The following EXD2 variants were observed in gnomAD, a reference collection of about 807,000 sequenced individuals.
The protein encoded by EXD2 is exonuclease 3'-5' domain containing 2.
In EXD2, 40 loss-of-function variants were observed where a neutral mutation model predicts 62.5. That is an observed-to-expected ratio of 0.64 (90% CI 0.50 to 0.83). The LOEUF (loss-of-function observed/expected upper bound fraction) is 0.83, where lower values mean the gene tolerates loss of function less well. EXD2 is among the 40% of genes least tolerant of loss of function. The probability of loss-of-function intolerance (pLI) is 0.00; values close to 1 mark genes in which losing one functional copy is unlikely to be tolerated. For missense variants in EXD2, 671 were observed against 761.8 expected (o/e 0.88, Z 1.40); for synonymous variants, 239 against 291.9 (o/e 0.82, Z 1.85).
At chr14:69,235,709 CTTTG>C in intron 6 of EXD2, 2 of 331,320 alleles carry the variant, frequency 6.0e-6, no homozygotes, top group East Asian at 1.7e-4. Context: ...TTTTAATGTA[CTTTG>C]TTTAATCCAG....
rs114632394 is a variant in EXD2, at chr14:69,209,893, G to A, written c.333+90G>A. ...CTTGGACAGTCAAGTAGAAAATAAG[G>A]TTAAAGGAGAATGAATTAGCTTGTT... On this transcript the variant is annotated intron_variant, in intron 3 of 9. Coordinates refer to ENST00000685843, the MANE Select transcript of EXD2 (RefSeq NM_001193360.2). 132 of 1,094,460 alleles carry A rather than the reference G, an allele frequency of 1.2e-4. 1 individual carries two copies. The African/African-American group carries it at 2.0e-3, about 16-fold the overall frequency. 67.8% of individuals were successfully genotyped at this position (1,094,460 alleles called of 1,614,324 possible). A position where few individuals can be genotyped will look rare whatever the true frequency, so the allele number is the denominator to read the frequency against.
chr14:69,216,870 A>G (rs957798784), intron 3 of EXD2, among the ~76,000 whole-genome samples: 2 of 152,156 alleles, frequency 1.3e-5, no homozygotes, highest in East Asian at 1.9e-4. Flanking sequence ...CTATCTTTGC[A>G]TTTTAGTAAT....
chr14:69,195,872 A>G (rs1162603060), intron 1 of EXD2, among the ~76,000 whole-genome samples: 1 of 152,204 alleles, frequency 6.6e-6, no homozygotes, highest in Admixed American at 6.5e-5. Context: ...ACTGAATGAA[A>G]TTTCATCCTG....
rs763294878 is a variant in EXD2 at position 69,237,685 on chromosome 14, A to G, written c.1403A>G (p.Tyr468Cys). 5.0e-6 allele frequency: 8 copies of G among 1,614,052 alleles called. No homozygotes were observed. The Admixed American group carries it at 8.3e-5, about 17-fold the overall frequency. Residue 468 changes from tyrosine to cysteine, a missense_variant, in exon 9 of 10, where the codon TAC becomes TGC. By Grantham distance (194) the Tyr-to-Cys change is radical. Coordinates refer to ENST00000685843, the MANE Select transcript of EXD2 (RefSeq NM_001193360.2). ...ACCTCCTGCCATGCCATTTCCAACT[A>G]CTATGACAACCATCTGAAGCAGCAG... ...LCTSCHAISN[Y>C]YDNHLKQQLA...
In EXD2 at chr14:69,237,592, A is replaced by T. The variant is rs1419014019; in HGVS notation, c.1310A>T (p.His437Leu). 1 of 1,614,206 alleles carries T rather than the reference A, an allele frequency of 6.2e-7. No individual in the cohort carries two copies. Among genetic ancestry groups the T allele is most frequent in the South Asian group, 1.1e-5 (1 of 91,082 alleles). The change falls in exon 9 of 10, where the codon CAT becomes CTT. Residue 437 changes from histidine to leucine, a missense_variant. Transcript: ENST00000685843. The part of the protein sequence containing the change: ...DSYIRKNVIP[H>L]EYRKHFPIEM... ...TGTTCCAGGAAGAACGTGATTCCACATGAGTACCGGAAGCACTTCCCCATC... is the reference window on the plus strand; with the variant it reads ...TGTTCCAGGAAGAACGTGATTCCACTTGAGTACCGGAAGCACTTCCCCATC...
At chr14:69,237,362 GTACT>G (rs1203225311) in intron 8 of EXD2, among the ~76,000 whole-genome samples, 1 of 152,186 alleles carries the variant, frequency 6.6e-6, no homozygotes, top group Non-Finnish European at 1.5e-5. Context: ...CAGGTGGTCT[GTACT>G]TACTTGCAGG....
intron 5 of EXD2, among the ~76,000 whole-genome samples, chr14:69,233,606 ATTTT>A (rs1189610287): frequency 1.3e-5 from 2 of 151,078 alleles, no homozygotes; most frequent in Non-Finnish European, 3.0e-5. Flanking sequence ...CGCCCAGCTG[ATTTT>A]TTTTATTTTT....
At position 69,236,222 on chromosome 14, in the gene EXD2, G is replaced by A. The variant is rs770328999; in HGVS notation, c.1156+70G>A. The A allele has an allele frequency of 4.6e-6, 7 of 1,520,442 alleles. No individual in the cohort carries two copies. In the East Asian group the frequency reaches 1.6e-4, roughly 34 times the overall value. 94.2% of individuals were successfully genotyped at this position (1,520,442 alleles called of 1,614,324 possible). ...GGATGCTGGCAGGAGTGGGGAGTGAGATAAGGAAGAGGGAGGGATAGAAGA... is the reference window on the plus strand; with the variant it reads ...GGATGCTGGCAGGAGTGGGGAGTGAAATAAGGAAGAGGGAGGGATAGAAGA... On this transcript the variant is annotated intron_variant, in intron 7 of 9. Transcript: ENST00000685843.
Position 69,234,981 on chromosome 14 carries a change from A to G in EXD2, c.999A>G (p.Arg333=). The G allele has an allele frequency of 6.2e-7, 1 of 1,611,158 alleles. No individual in the cohort carries two copies. The highest frequency in any genetic ancestry group is 8.5e-7 in the Non-Finnish European group (1 of 1,178,932). ...TGGTGCCAGGCAACCACCAAGGGAG[A>G]GACCCCAGAAAACATAAAAGAAAGC... ...DGMVPGNHQG[R]DPRKHKRKPL... The change falls in exon 6 of 10, where the codon AGA becomes AGG. Residue 333 remains arginine, a synonymous_variant. Transcript: ENST00000685843.
Position 69,236,432 on chromosome 14 carries a change from G to C in EXD2, c.1182G>C (p.Val394=). Residue 394 remains valine (V), a synonymous_variant, in exon 8 of 10, where the codon GTG becomes GTC. Transcript: ENST00000685843. ...IGELVSEEPF[V]VKLRFEPAGR... is the part of the protein sequence containing the mutation. ...AGCTGGTGAGTGAAGAGCCCTTTGTGGTGAAGCTACGGTTTGAACCTGCAG... is the reference window on the plus strand; with the variant it reads ...AGCTGGTGAGTGAAGAGCCCTTTGTCGTGAAGCTACGGTTTGAACCTGCAG... 1.2e-6 allele frequency: 2 copies of C among 1,614,114 alleles called. No homozygotes were observed. Among genetic ancestry groups the C allele is most frequent in the Non-Finnish European group, 1.7e-6 (2 of 1,180,004 alleles).
At chr14:69,221,427 A>G (rs900847637) in intron 3 of EXD2, among the ~76,000 whole-genome samples, 1 of 152,170 alleles carries the variant, frequency 6.6e-6, no homozygotes, top group Admixed American at 6.5e-5. Flanking sequence ...GATAAGTTAT[A>G]TATTTCATTT....
intron 6 of EXD2, among the ~76,000 whole-genome samples, chr14:69,235,438 C>A (rs1056040908): frequency 1.3e-5 from 2 of 152,112 alleles, no homozygotes; most frequent in Non-Finnish European, 2.9e-5. Context: ...CATCTGATTT[C>A]TTGTTCATAT....
intron 1 of EXD2, among the ~76,000 whole-genome samples, chr14:69,193,662 T>A (rs965610000): frequency 1.3e-5 from 2 of 152,262 alleles, no homozygotes; most frequent in African/African-American, 4.8e-5. Flanking sequence ...TTGTTGCTTG[T>A]CTTTTAACTA....
chr14:69,236,160 A>T lies in EXD2; in HGVS notation c.1156+8A>T. On this transcript the variant is annotated splice_region_variant and intron_variant, in intron 7 of 9. Transcript: ENST00000685843. ...TGGACAAAGGCATTGGTGGTATGAG[A>T]TTCAGCTGTCCTTGTTTATCTCTAA... 5.6e-6 allele frequency: 9 copies of T among 1,609,648 alleles called. No individual in the cohort carries two copies. The highest frequency in any genetic ancestry group is 7.7e-6 in the Non-Finnish European group (9 of 1,175,894).
chr14:69,236,083 C>G lies in EXD2; in HGVS notation c.1087C>G (p.Pro363Ala). 1 of 1,614,184 alleles carries G rather than the reference C, an allele frequency of 6.2e-7. No individual in the cohort carries two copies. Among genetic ancestry groups the G allele is most frequent in the Non-Finnish European group, 8.5e-7 (1 of 1,180,016 alleles). The change falls in exon 7 of 10, where the codon CCT becomes GCT. Residue 363 changes from proline (P) to alanine (A), a missense_variant. By Grantham distance (27) the Pro-to-Ala change is conservative. Coordinates refer to ENST00000685843, the MANE Select transcript of EXD2 (RefSeq NM_001193360.2). ...TTATGATAACTGCTTTCTCCATGCT[C>G]CTGATGGACAGCCCCTCTGCACTTG... ...PLYDNCFLHA[P>A]DGQPLCTCDR... is the part of the protein sequence containing the mutation.
At chr14:69,200,601 T>C (rs1594724592) in intron 1 of EXD2, among the ~76,000 whole-genome samples, 1 of 151,662 alleles carries the variant, frequency 6.6e-6, no homozygotes, top group East Asian at 1.9e-4. Context: ...CCCAGCTACT[T>C]GGGAGGCTAA....
In EXD2 at chr14:69,237,749, G is replaced by A. The variant is rs757107117; in HGVS notation, c.1467G>A (p.Glu489=). The change falls in exon 9 of 10, where the codon GAG becomes GAA. Residue 489 remains glutamate (E), a synonymous_variant. Transcript: ENST00000685843. ...TCCAGGCCCCCATCGGCTCTGAGGA[G>A]GGCTTGCGCCTGCTGGAAGATCCTG... is the stretch of plus-strand genomic sequence containing the variant. ...KEFQAPIGSE[E]GLRLLEDPER... 6.2e-7 allele frequency: 1 copy of A among 1,613,990 alleles called. No individual in the cohort carries two copies.
rs1220124927 is a variant in EXD2, at chr14:69,230,618, T to C, written c.717+20T>C. The C allele has an allele frequency of 6.3e-6, 10 of 1,585,302 alleles. No individual in the cohort carries two copies. Among genetic ancestry groups the C allele is most frequent in the Middle Eastern group, 1.7e-4 (1 of 5,914 alleles). On this transcript the variant is annotated intron_variant, in intron 5 of 9. Transcript: ENST00000685843. ...GACCAGGTACTTCTTATCAGAGTAG[T>C]TGAAGAATGGAAAGTCATTGTTTCT... is the stretch of plus-strand genomic sequence containing the variant.
At position 69,234,711 on chromosome 14, in the gene EXD2, T is replaced by C; in HGVS notation, c.729T>C (p.Ala243=). The part of the protein sequence containing the change: ...ETLTEDQVIY[A]ARDAQISVAL... ...ACTTTTCTCTTCAGGTAATTTATGCTGCCAGGGATGCCCAGATTTCAGTGG... is the reference window on the plus strand; with the variant it reads ...ACTTTTCTCTTCAGGTAATTTATGCCGCCAGGGATGCCCAGATTTCAGTGG... The change falls in exon 6 of 10, where the codon GCT becomes GCC. Residue 243 remains alanine, a synonymous_variant. Coordinates refer to ENST00000685843, the MANE Select transcript of EXD2 (RefSeq NM_001193360.2). 6.2e-7 allele frequency: 1 copy of C among 1,609,988 alleles called. No homozygotes were observed. Among genetic ancestry groups the C allele is most frequent in the Non-Finnish European group, 8.5e-7 (1 of 1,177,958 alleles).
Sources: gnomAD v4.1 joint callset for allele counts (sites outside exome capture counted in the v4.1 genomes callset) on GRCh38, gnomAD v4.1.1 for gene constraint, MANE v1.5 for transcripts, NCBI Gene and HGNC (gene_info 2026-07-23, HGNC 2026-07-21) for gene names.